ADAM15: variants seen among roughly 807,000 people sequenced by gnomAD.
The protein encoded by ADAM15 is disintegrin and metalloproteinase domain-containing protein 15.
ADAM15 carries 77 observed loss-of-function variants against 113.8 expected under a neutral mutation model. That is an observed-to-expected ratio of 0.68 (90% confidence interval 0.56 to 0.82). ADAM15 has a LOEUF of 0.82. ADAM15 is among the 40% of genes least tolerant of loss of function. ADAM15 has a pLI of 0.00. For synonymous variants in ADAM15, 388 were observed against 454.1 expected, an observed-to-expected ratio of 0.85 and a Z score of 1.85; for missense variants, 963 against 1,120.1, an observed-to-expected ratio of 0.86 and a Z score of 2.00.
In ADAM15 at chr1:155,056,029, C is replaced by A; in HGVS notation, c.744+29C>A. Reference sequence around the variant, plus strand: ...AGTGCTGGACAGGGCAACCCCCACCCCAGGCCCCTGACCATGGCAACCCCT... The same window carrying A: ...AGTGCTGGACAGGGCAACCCCCACCACAGGCCCCTGACCATGGCAACCCCT... On this transcript the variant is annotated intron_variant, in intron 8 of 22. Coordinates refer to ENST00000356955, the MANE Select transcript of ADAM15 (RefSeq NM_207197.3). The surrounding 1 kb of genome is among the most constrained non-coding windows in gnomAD (Gnocchi z 4.0). 6.2e-7 allele frequency: 1 copy of A among 1,613,006 alleles called. No individual in the cohort carries two copies. The highest frequency in any genetic ancestry group is 8.5e-7 in the Non-Finnish European group (1 of 1,179,978).
intron 1 of ADAM15, 191 bp downstream of exon 1, chr1:155,051,656 G>T: frequency 2.0e-6 from 1 of 490,862 alleles, no homozygotes; most frequent in Non-Finnish European, 3.5e-6. Flanking sequence ...AAGGAGGGGG[G>T]ATGCCGGCGC....
At chr1:155,053,331 C>T in intron 2 of ADAM15, 86 bp from the exon 3 acceptor site, 3 of 1,262,436 alleles carry the variant, frequency 2.4e-6, no homozygotes, top group Non-Finnish European at 1.2e-6. Flanking sequence ...TGCTGGTGCT[C>T]TTCTGTGGGC....
chr1:155,061,328 C>A (rs1041738179), intron 19 of ADAM15, 87 bp from the exon 20 acceptor site: 3 of 959,340 alleles, frequency 3.1e-6, no homozygotes, highest in Non-Finnish European at 3.2e-6. Flanking sequence ...CTGCTGGCCC[C>A]CCCTGGGCAC....
At position 155,061,341 on chromosome 1, in the gene ADAM15, A is replaced by G. The variant is rs1003397907; in HGVS notation, c.2278-74A>G. 3.1e-6 allele frequency: 4 copies of G among 1,270,830 alleles called. No individual in the cohort carries two copies. In the Admixed American group the frequency reaches 5.6e-5, roughly 18 times the overall value. The allele number at this position is 1,270,830 out of a possible 1,614,324, so 78.7% of individuals were successfully genotyped here. ...CCCTGCTGGCCCCCCCTGGGCACTGACCCTTCCCTGCCCACTCTGTCTCTC... is the reference window on the plus strand; with the variant it reads ...CCCTGCTGGCCCCCCCTGGGCACTGGCCCTTCCCTGCCCACTCTGTCTCTC... On this transcript the variant is annotated intron_variant, in intron 19 of 22. Transcript: ENST00000356955.
chr1:155,053,785 G>C (rs540893879), intron 3 of ADAM15, 125 bp from the exon 4 acceptor site: 5 of 1,100,494 alleles, frequency 4.5e-6, no homozygotes, highest in Non-Finnish European at 6.6e-6. Flanking sequence ...CCGGGGTCAG[G>C]AGTGGAAAAG....
At position 155,057,638 on chromosome 1, in the gene ADAM15, A is replaced by T. The variant is rs1002372229; in HGVS notation, c.1325A>T (p.Asp442Val). The T allele has an allele frequency of 6.2e-7, 1 of 1,613,984 alleles. No homozygotes were observed. The highest frequency in any genetic ancestry group is 1.3e-5 in the African/African-American group (1 of 74,914). The part of the protein sequence containing the change: ...GEQCDCGFLD[D>V]CVDPCCDSLT... The stretch of plus-strand genomic sequence containing the variant: ...CGGCCCCCGTGCTCCTGCCCACAGG[A>T]CTGCGTCGATCCCTGCTGTGATTCT... Residue 442 changes from aspartate to valine, a missense_variant and splice_region_variant, in exon 13 of 23, where the codon GAC (aspartate) becomes GTC (valine). Coordinates refer to ENST00000356955, the MANE Select transcript of ADAM15 (RefSeq NM_207197.3). This position sits in a 1 kb window ranked among gnomAD's most constrained non-coding sequence, Gnocchi z 5.0.
chr1:155,057,948 G>C lies in ADAM15; in HGVS notation c.1514G>C (p.Ser505Thr). 1 of 1,612,572 alleles carries C rather than the reference G, an allele frequency of 6.2e-7. No homozygotes were observed. Among genetic ancestry groups the C allele is most frequent in the South Asian group, 1.1e-5 (1 of 91,092 alleles). Residue 505 changes from serine (S) to threonine (T), a missense_variant, in exon 14 of 23, where the codon AGC becomes ACC. Transcript: ENST00000356955. This position sits in a 1 kb window ranked among gnomAD's most constrained non-coding sequence, Gnocchi z 5.0. ...GDSSQCPPDVSLGDGEPCAGG... is the reference protein window; with the variant it reads ...GDSSQCPPDVTLGDGEPCAGG... ...AGCTCCCAGTGTCCCCCTGATGTCA[G>C]CCTAGGGGATGGCGAGCCCTGCGCT...
chr1:155,053,202 C>T (rs963900864), intron 2 of ADAM15, among the ~76,000 whole-genome samples: 14 of 148,612 alleles, frequency 9.4e-5, no homozygotes, highest in Non-Finnish European at 2.1e-4. Flanking sequence ...GGCAGGAAGC[C>T]GAGAAGGGGT....
At chr1:155,051,596 C>A in intron 1 of ADAM15, 131 bp downstream of exon 1, 4 of 864,840 alleles carry the variant, frequency 4.6e-6, no homozygotes, top group Non-Finnish European at 6.6e-6. Context: ...CCGCCCTGGT[C>A]CGCTGTCCTG....
intron 3 of ADAM15, 77 bp from the exon 4 acceptor site, chr1:155,053,833 C>T: frequency 6.5e-7 from 1 of 1,539,104 alleles, no homozygotes; most frequent in South Asian, 1.2e-5. Context: ...GCCCCACAAC[C>T]ACCTTCAAGC....
chr1:155,058,092 G>A lies in ADAM15; in HGVS notation c.1658G>A (p.Arg553Gln), dbSNP rs145412301. The A allele has an allele frequency of 1.5e-5, 24 of 1,613,910 alleles. No individual in the cohort carries two copies. The highest frequency in any genetic ancestry group is 9.3e-5 in the African/African-American group (7 of 74,928). ...CTTTGCCTCCAGACAGCTAATACTC[G>A]GGGAAATGCTTTTGGGAGCTGTGGG... The part of the protein sequence containing the change: ...APLCLQTANT[R>Q]GNAFGSCGRN... Residue 553 changes from arginine to glutamine, a missense_variant, in exon 14 of 23, where the codon CGG becomes CAG. Physicochemically the swap from Arg to Gln is conservative, Grantham distance 43 (BLOSUM62 1). Transcript: ENST00000356955. The surrounding 1 kb of genome is among the most constrained non-coding windows in gnomAD (Gnocchi z 4.3).
chr1:155,055,767 A>G (rs781183288), intron 6 of ADAM15, 23 bp from the exon 7 acceptor site: 4 of 1,613,958 alleles, frequency 2.5e-6, no homozygotes, highest in African/African-American at 1.3e-5. Context: ...GGTTTGCCTG[A>G]TAATTCTTCT....
chr1:155,058,765 G>A lies in ADAM15; in HGVS notation c.1973G>A (p.Arg658Gln), dbSNP rs769479538. The change falls in exon 16 of 23, where the codon CGA (arginine) becomes CAA (glutamine). Residue 658 changes from arginine to glutamine, a missense_variant. By Grantham distance (43) the Arg-to-Gln change is conservative. Coordinates refer to ENST00000356955, the MANE Select transcript of ADAM15 (RefSeq NM_207197.3). The surrounding 1 kb of genome is among the most constrained non-coding windows in gnomAD (Gnocchi z 4.3). Reference sequence around the variant, plus strand: ...GATCTCCTGGGGGCACAGGAATGTCGAAGCAAATGCCATGGACATGGGGTG... The same window carrying A: ...GATCTCCTGGGGGCACAGGAATGTCAAAGCAAATGCCATGGACATGGGGTG... The part of the protein sequence containing the change: ...RVDLLGAQEC[R>Q]SKCHGHGVCD... 7.5e-6 allele frequency: 12 copies of A among 1,607,650 alleles called. No homozygotes were observed. The highest frequency in any genetic ancestry group is 4.5e-5 in the East Asian group (2 of 44,562).
rs773810356 is a variant in ADAM15, at chr1:155,060,780, C to T, written c.2225C>T (p.Pro742Leu). ...TCQYRAAQSG[P>L]SERPGPPQRA... Reference sequence around the variant, plus strand: ...ATGCATAGGGCAGCCCAATCTGGTCCCTCTGAACGGCCAGGACCTCCGCAG... The same window carrying T: ...ATGCATAGGGCAGCCCAATCTGGTCTCTCTGAACGGCCAGGACCTCCGCAG... The change falls in exon 19 of 23, where the codon CCC becomes CTC. Residue 742 changes from proline to leucine, a missense_variant. By Grantham distance (98) the Pro-to-Leu change is moderately conservative. Coordinates refer to ENST00000356955, the MANE Select transcript of ADAM15 (RefSeq NM_207197.3). 67 of 1,613,604 alleles carry T rather than the reference C, an allele frequency of 4.2e-5. No individual in the cohort carries two copies. Among genetic ancestry groups the T allele is most frequent in the Admixed American group, 1.5e-4 (9 of 60,008 alleles).
At chr1:155,055,258 C>T (rs1558122990) in intron 6 of ADAM15, among the ~76,000 whole-genome samples, 1 of 151,724 alleles carries the variant, frequency 6.6e-6, no homozygotes, top group Non-Finnish European at 1.5e-5. Flanking sequence ...CAGAGTCTCG[C>T]TCTGTCTCCC....
chr1:155,053,120 C>CA (rs1447725016), intron 2 of ADAM15, among the ~76,000 whole-genome samples: 5 of 128,774 alleles, frequency 3.9e-5, no homozygotes, highest in Admixed American at 1.6e-4. Flanking sequence ...CCCCCCCCCC[C>CA]ACCCCATTCT....
At position 155,052,732 on chromosome 1, in the gene ADAM15, G is replaced by A. The variant is rs936398494; in HGVS notation, c.141G>A (p.Gln47=). ...EKAPREPLEP[Q]VLQDDLPISL... Reference sequence around the variant, plus strand: ...CCCCGAGGGAGCCCTTGGAGCCCCAGGTCCTTCAGGACGATCTCCCAATTA... The same window carrying A: ...CCCCGAGGGAGCCCTTGGAGCCCCAAGTCCTTCAGGACGATCTCCCAATTA... The change falls in exon 2 of 23, where the codon CAG becomes CAA. Residue 47 remains glutamine, a synonymous_variant. Transcript: ENST00000356955. 19 of 1,612,402 alleles carry A rather than the reference G, an allele frequency of 1.2e-5. No individual in the cohort carries two copies. The highest frequency in any genetic ancestry group is 1.6e-5 in the Non-Finnish European group (19 of 1,179,566).
Position 155,062,681 on chromosome 1 carries a change from G to C in ADAM15, c.*179G>C. On this transcript the variant is annotated 3_prime_UTR_variant, in exon 23 of 23. Coordinates refer to ENST00000356955, the MANE Select transcript of ADAM15 (RefSeq NM_207197.3). The surrounding 1 kb of genome is among the most constrained non-coding windows in gnomAD (Gnocchi z 7.0). The stretch of plus-strand genomic sequence containing the variant: ...GACCTGCCGGCGTAGTTGCAGCGGG[G>C]GCTTGGGGAGGGGCTGGGGGTTGGA... The C allele has an allele frequency of 1.2e-6, 1 of 856,440 alleles. No homozygotes were observed. The highest frequency in any genetic ancestry group is 1.8e-6 in the Non-Finnish European group (1 of 564,902). The allele number at this position is 856,440 out of a possible 1,614,324, so 53.1% of individuals were successfully genotyped here. A position where few individuals can be genotyped will look rare whatever the true frequency, so the allele number is the denominator to read the frequency against.
rs1422110303 is a variant in ADAM15 at position 155,057,596 on chromosome 1, C to G, written c.1324-41C>G. 4.4e-6 allele frequency: 7 copies of G among 1,606,304 alleles called. 1 individual carries two copies. Among genetic ancestry groups the G allele is most frequent in the Admixed American group, 1.7e-5 (1 of 59,930 alleles). On this transcript the variant is annotated intron_variant, in intron 12 of 22. Transcript: ENST00000356955. This position sits in a 1 kb window ranked among gnomAD's most constrained non-coding sequence, Gnocchi z 5.0. ...GAGATTGGAGGGAGGCTCACAGGCC[C>G]CACCTGCTCTGATGCCCGGCCCCCG...
Sources: gnomAD v4.1 joint callset for allele counts (sites outside exome capture counted in the v4.1 genomes callset) on GRCh38, gnomAD v4.1.1 for gene constraint, Gnocchi (gnomAD v3.1) non-coding constraint, MANE v1.5 for transcripts, NCBI Gene and HGNC (gene_info 2026-07-23, HGNC 2026-07-21) for gene names.